The following CRK variants were observed in gnomAD, a reference collection of about 807,000 sequenced individuals.
CRK encodes the protein adapter molecule crk.
A neutral mutation model predicts 29.8 loss-of-function variants in CRK; 4 were observed. The observed-to-expected ratio is 0.13, with a 90% CI of 0.07 to 0.31. The LOEUF (loss-of-function observed/expected upper bound fraction) is 0.31. CRK is among the 10% of genes least tolerant of loss of function. CRK has a pLI of 1.00. For missense variants in CRK, 274 were observed against 396.5 expected, an observed-to-expected ratio of 0.69 and a Z score of 2.62; for synonymous variants, 153 against 164.9, an observed-to-expected ratio of 0.93 and a Z score of 0.55.
chr17:1,455,632 G>A (rs962095007), intron 1 of CRK, among the ~76,000 whole-genome samples: 1 of 151,770 alleles, frequency 6.6e-6, no homozygotes, highest in Non-Finnish European at 1.5e-5. Flanking sequence ...TGGGGCCGAA[G>A]CAGTTCCCCT....
At chr17:1,425,111 A>G (rs867278037) in intron 2 of CRK, among the ~76,000 whole-genome samples, 6 of 151,638 alleles carry the variant, frequency 4.0e-5, no homozygotes, top group Middle Eastern at 3.4e-3. Context: ...TTTTTTTAAG[A>G]CAGAGTCTCG....
intron 1 of CRK, among the ~76,000 whole-genome samples, chr17:1,444,040 A>T (rs1233261861): frequency 1.3e-5 from 2 of 150,826 alleles, no homozygotes; most frequent in Non-Finnish European, 3.0e-5. Flanking sequence ...CATGTCGCCC[A>T]GGCAGGTCTT....
chr17:1,435,644 T>C (rs1008515008), intron 2 of CRK, among the ~76,000 whole-genome samples: 3 of 151,496 alleles, frequency 2.0e-5, no homozygotes, highest in Non-Finnish European at 4.4e-5. Context: ...CATTTCTCAT[T>C]CAAGCCAGGA....
At position 1,423,198 on chromosome 17, in the gene CRK, C is replaced by T. The variant is rs1351591661; in HGVS notation, c.*315G>A. The T allele has an allele frequency of 1.0e-5, 5 of 492,806 alleles. No homozygotes were observed. The highest frequency in any genetic ancestry group is 9.9e-5 in the African/African-American group (5 of 50,550). 30.5% of individuals were successfully genotyped at this position (492,806 alleles called of 1,614,324 possible). A position where few individuals can be genotyped will look rare whatever the true frequency, so the allele number is the denominator to read the frequency against. On this transcript the variant is annotated 3_prime_UTR_variant, in exon 3 of 3. Coordinates refer to ENST00000300574, the MANE Select transcript of CRK (RefSeq NM_016823.4). Reference sequence around the variant, plus strand: ...GTGTGTAACACTCCTTCCTGTCCATCGGTTTTCCACAGGGTGATTTGCACT... The same window carrying T: ...GTGTGTAACACTCCTTCCTGTCCATTGGTTTTCCACAGGGTGATTTGCACT...
At position 1,449,260 on chromosome 17, in the gene CRK, T is replaced by C. The variant is rs150271228; in HGVS notation, c.241+6617A>G. ...CCCGAGGTCCTTTCACACTTACGGATGCACTCCACCCAGGCACCTACTCCC... is the reference window on the plus strand; with the variant it reads ...CCCGAGGTCCTTTCACACTTACGGACGCACTCCACCCAGGCACCTACTCCC... On this transcript the variant is annotated intron_variant, in intron 1 of 2. Coordinates refer to ENST00000300574, the MANE Select transcript of CRK (RefSeq NM_016823.4). Among the ~76,000 whole-genome samples, 46 of 152,258 alleles carry C rather than the reference T, an allele frequency of 3.0e-4. 1 individual carries two copies. Among genetic ancestry groups the C allele is most frequent in the Admixed American group, 8.5e-4 (13 of 15,262 alleles).
chr17:1,454,578 T>G (rs955727809), intron 1 of CRK, among the ~76,000 whole-genome samples: 6 of 152,202 alleles, frequency 3.9e-5, no homozygotes, highest in African/African-American at 1.4e-4. Flanking sequence ...AATTCTCTAT[T>G]TCTGGCCGGA....
chr17:1,431,011 TGAGCCGAGA>T, intron 2 of CRK, among the ~76,000 whole-genome samples: 1 of 151,764 alleles, frequency 6.6e-6, no homozygotes, highest in Non-Finnish European at 1.5e-5. Flanking sequence ...GAGCTCGCAG[TGAGCCGAGA>T]TCACGCACTG....
chr17:1,451,440 C>G (rs2150914486), intron 1 of CRK, among the ~76,000 whole-genome samples: 1 of 151,612 alleles, frequency 6.6e-6, no homozygotes, highest in South Asian at 2.1e-4. Flanking sequence ...CCATGTTGGC[C>G]AGGCTGGTCT....
chr17:1,455,856 G>A (rs1308468084), intron 1 of CRK, 21 bp downstream of exon 1: 5 of 1,533,900 alleles, frequency 3.3e-6, no homozygotes, highest in Middle Eastern at 1.8e-4. Flanking sequence ...CCCAGGGCCC[G>A]CCGTCCCGTC....
intron 2 of CRK, among the ~76,000 whole-genome samples, chr17:1,431,464 G>A (rs1221661195): frequency 6.6e-6 from 1 of 152,128 alleles, no homozygotes; most frequent in Non-Finnish European, 1.5e-5. Context: ...GCTCACGCCT[G>A]TAATCTCAGC....
chr17:1,434,268 C>G (rs558058838), intron 2 of CRK, among the ~76,000 whole-genome samples: 3 of 152,192 alleles, frequency 2.0e-5, no homozygotes, highest in Non-Finnish European at 2.9e-5. Flanking sequence ...CTGAAACTGG[C>G]ATGGGTAGTA....
At chr17:1,429,717 C>T (rs1328937646) in intron 2 of CRK, among the ~76,000 whole-genome samples, 5 of 151,886 alleles carry the variant, frequency 3.3e-5, no homozygotes, top group Admixed American at 1.3e-4. Flanking sequence ...TTGCCTGAAG[C>T]CAGGAGTTCA....
intron 2 of CRK, among the ~76,000 whole-genome samples, chr17:1,432,960 C>G (rs2073857966): frequency 6.6e-6 from 1 of 152,072 alleles, no homozygotes; most frequent in Non-Finnish European, 1.5e-5. Context: ...TTTTAGGAAG[C>G]AAGTCCCGGC....
intron 2 of CRK, among the ~76,000 whole-genome samples, 178 bp downstream of exon 2, chr17:1,436,442 C>A (rs780892512): frequency 1.3e-5 from 2 of 152,114 alleles, no homozygotes; most frequent in Admixed American, 6.6e-5. Context: ...CTTACTCATT[C>A]CCAAACAGGT....
chr17:1,438,147 T>C lies in CRK; in HGVS notation c.242-992A>G, dbSNP rs1437696356. 2.6e-5 allele frequency among the ~76,000 whole-genome samples: 4 copies of C among 152,228 alleles called. No individual in the cohort carries two copies. In the East Asian group the frequency reaches 7.7e-4, roughly 29 times the overall value. Reference sequence around the variant, plus strand: ...CTCTTGTTGTGGTTTTCGTTGTTTTTGGGACAGAGTCTCGCTGTGTCGCTC... The same window carrying C: ...CTCTTGTTGTGGTTTTCGTTGTTTTCGGGACAGAGTCTCGCTGTGTCGCTC... On this transcript the variant is annotated intron_variant, in intron 1 of 2. Transcript: ENST00000300574.
intron 1 of CRK, 42 bp downstream of exon 1, chr17:1,455,835 C>T: frequency 6.8e-7 from 1 of 1,475,562 alleles, no homozygotes. Flanking sequence ...AGTTCCGCGG[C>T]CCTCACCCCG....
At chr17:1,438,146 T>C (rs1598299338) in intron 1 of CRK, among the ~76,000 whole-genome samples, 1 of 152,094 alleles carries the variant, frequency 6.6e-6, no homozygotes, top group Admixed American at 6.6e-5. Flanking sequence ...TTCGTTGTTT[T>C]TGGGACAGAG....
At chr17:1,426,059 G>A (rs972350047) in intron 2 of CRK, among the ~76,000 whole-genome samples, 2 of 143,256 alleles carry the variant, frequency 1.4e-5, no homozygotes, top group African/African-American at 3.0e-5. Flanking sequence ...GTGGCCAAGC[G>A]TGGCCAAGCG....
chr17:1,445,134 C>T (rs933402812), intron 1 of CRK, among the ~76,000 whole-genome samples: 1 of 131,632 alleles, frequency 7.6e-6, no homozygotes, highest in African/African-American at 2.8e-5. Flanking sequence ...GGCGACAGAG[C>T]GAGACACCGT....
Sources: gnomAD v4.1 joint callset for allele counts (sites outside exome capture counted in the v4.1 genomes callset) on GRCh38, gnomAD v4.1.1 for gene constraint, MANE v1.5 for transcripts, NCBI Gene and HGNC (gene_info 2026-07-23, HGNC 2026-07-21) for gene names.